KATNIP: variants seen among roughly 807,000 people sequenced by gnomAD.
KATNIP encodes the protein katanin-interacting protein.
In KATNIP, 126 loss-of-function variants were observed where a neutral mutation model predicts 174.0. The ratio of observed to expected loss-of-function variants is 0.72; its 90% CI spans 0.63 to 0.84. The LOEUF (loss-of-function observed/expected upper bound fraction) is 0.84, where lower values mean the gene tolerates loss of function less well. Ranked by LOEUF, KATNIP falls within the 40% of genes least tolerant of loss-of-function variation. The pLI is 0.00. For synonymous variants in KATNIP, 810 were observed against 835.7 expected, an observed-to-expected ratio of 0.97 and a Z score of 0.53; for missense variants, 1,958 against 2,109.7, an observed-to-expected ratio of 0.93 and a Z score of 1.41.
intron 2 of KATNIP, among the ~76,000 whole-genome samples, chr16:27,588,802 C>G (rs1445506442): frequency 1.3e-5 from 2 of 152,050 alleles, no homozygotes; most frequent in African/African-American, 4.8e-5. Context: ...AATCTCATTC[C>G]CCTTCCCAGA....
intron 2 of KATNIP, among the ~76,000 whole-genome samples, chr16:27,595,423 A>T (rs2075306204): frequency 1.3e-5 from 2 of 152,230 alleles, no homozygotes; most frequent in African/African-American, 4.8e-5. Context: ...CCAGATGTGG[A>T]CACAGGAGGA....
intron 3 of KATNIP, among the ~76,000 whole-genome samples, 163 bp downstream of exon 3, chr16:27,618,664 C>T (rs1458337363): frequency 6.6e-6 from 1 of 152,176 alleles, no homozygotes; most frequent in East Asian, 1.9e-4. Flanking sequence ...CCTATTTCTC[C>T]ATTCACTGAT....
chr16:27,646,051 T>G (rs927383991), intron 5 of KATNIP, among the ~76,000 whole-genome samples: 2 of 152,238 alleles, frequency 1.3e-5, no homozygotes, highest in South Asian at 4.1e-4. Context: ...GCATTCAGAT[T>G]GGGAGAATAG....
intron 6 of KATNIP, among the ~76,000 whole-genome samples, chr16:27,661,027 C>T (rs377247632): frequency 6.6e-6 from 1 of 152,082 alleles, no homozygotes; most frequent in Admixed American, 6.6e-5. Context: ...GATTAGGCAC[C>T]CTGACCAGCC....
At position 27,603,904 on chromosome 16, in the gene KATNIP, T is replaced by C. The variant is rs1163377774; in HGVS notation, c.64-14521T>C. On this transcript the variant is annotated intron_variant, in intron 2 of 27. Transcript: ENST00000261588. The stretch of plus-strand genomic sequence containing the variant: ...GGCACGTGCCACCATGGCTGGCTAA[T>C]TTTTGTATTTTTAGTAGAGACTGGG... 2.0e-5 allele frequency among the ~76,000 whole-genome samples: 3 copies of C among 151,584 alleles called. No individual in the cohort carries two copies. In the South Asian group the frequency reaches 6.3e-4, roughly 32 times the overall value.
chr16:27,767,455 C>A (rs534847276), intron 20 of KATNIP, among the ~76,000 whole-genome samples: 1 of 152,282 alleles, frequency 6.6e-6, no homozygotes, highest in African/African-American at 2.4e-5. Context: ...TGTAGAGGCT[C>A]ACGCCTGTAA....
intron 2 of KATNIP, among the ~76,000 whole-genome samples, chr16:27,609,129 T>C (rs965061274): frequency 6.6e-6 from 1 of 152,132 alleles, no homozygotes; most frequent in Non-Finnish European, 1.5e-5. Context: ...TCCTCATGGA[T>C]TCATTCACTC....
intron 19 of KATNIP, 85 bp downstream of exon 19, chr16:27,761,675 C>A: frequency 8.0e-7 from 1 of 1,244,050 alleles, no homozygotes; most frequent in South Asian, 1.2e-5. Context: ...ATTCAGACAT[C>A]AAATAGAATC....
rs564447410 is a variant in KATNIP at position 27,776,646 on chromosome 16, G to C, written c.4450-282G>C. 6.6e-6 allele frequency among the ~76,000 whole-genome samples: 1 copy of C among 152,210 alleles called. No homozygotes were observed. The highest frequency in any genetic ancestry group is 1.5e-5 in the Non-Finnish European group (1 of 68,042). ...GGGGACGTGGGGGAGGGCCGAGGAT[G>C]TTCCCAATCCTCCACTGGCATTTAA... On this transcript the variant is annotated intron_variant, in intron 24 of 27. Coordinates refer to ENST00000261588, the MANE Select transcript of KATNIP (RefSeq NM_015202.5). The surrounding 1 kb of genome is among the most constrained non-coding windows in gnomAD (Gnocchi z 4.7).
chr16:27,618,853 C>T (rs938839390), intron 3 of KATNIP, among the ~76,000 whole-genome samples: 2 of 152,180 alleles, frequency 1.3e-5, no homozygotes, highest in Non-Finnish European at 2.9e-5. Flanking sequence ...TTGACAGTCC[C>T]TGAAATCTGA....
chr16:27,642,265 G>C (rs1011248225), intron 5 of KATNIP, among the ~76,000 whole-genome samples: 1 of 152,120 alleles, frequency 6.6e-6, no homozygotes, highest in Non-Finnish European at 1.5e-5. Flanking sequence ...GTCCTTTGTA[G>C]GGACATGGAT....
intron 6 of KATNIP, among the ~76,000 whole-genome samples, chr16:27,653,878 C>G (rs2077189186): frequency 6.6e-6 from 1 of 152,092 alleles, no homozygotes. Flanking sequence ...CTATGTTGCC[C>G]TGGCTGGTCT....
intron 1 of KATNIP, among the ~76,000 whole-genome samples, chr16:27,556,365 G>A (rs920857340): frequency 2.6e-5 from 4 of 152,098 alleles, no homozygotes; most frequent in African/African-American, 9.7e-5. Flanking sequence ...TCGCCTTTCT[G>A]TTAAAGTTGA....
At chr16:27,695,102 G>C (rs994031909) in intron 8 of KATNIP, among the ~76,000 whole-genome samples, 5 of 152,202 alleles carry the variant, frequency 3.3e-5, no homozygotes, top group Non-Finnish European at 5.9e-5. Context: ...CTCTGTCTCT[G>C]GCAGATGCCT....
chr16:27,569,697 C>T (rs1003315185), intron 1 of KATNIP, among the ~76,000 whole-genome samples: 47 of 152,172 alleles, frequency 3.1e-4, no homozygotes, highest in African/African-American at 1.0e-3. Context: ...GAGCTGTCTT[C>T]GCATCGAGCT....
At chr16:27,616,530 C>T (rs975214998) in intron 2 of KATNIP, among the ~76,000 whole-genome samples, 1 of 151,012 alleles carries the variant, frequency 6.6e-6, no homozygotes, top group East Asian at 2.0e-4. Flanking sequence ...GTTAAGAGAC[C>T]AGCCTGGCCA....
At chr16:27,661,916 A>G (rs1173572665) in intron 6 of KATNIP, among the ~76,000 whole-genome samples, 2 of 18,942 alleles carry the variant, frequency 1.1e-4, no homozygotes, top group East Asian at 4.5e-3. Context: ...TGGCTAATAT[A>G]TATATATATA....
chr16:27,632,748 CTTTTTTTTT>C (rs1192611326), intron 5 of KATNIP: 1 of 378,302 alleles, frequency 2.6e-6, no homozygotes, highest in East Asian at 7.5e-5. Flanking sequence ...TGATTTCTTT[CTTTTTTTTT>C]TTTCTTTTTT....
Position 27,648,848 on chromosome 16 carries a change from C to T in KATNIP, c.540+113C>T, listed in dbSNP as rs544695492. 74 of 1,195,916 alleles carry T rather than the reference C, an allele frequency of 6.2e-5. No individual in the cohort carries two copies. The African/African-American group carries it at 7.8e-4, about 13-fold the overall frequency. 74.1% of individuals were successfully genotyped at this position (1,195,916 alleles called of 1,614,324 possible). A position where few individuals can be genotyped will look rare whatever the true frequency, so the allele number is the denominator to read the frequency against. On this transcript the variant is annotated intron_variant, in intron 6 of 27. Transcript: ENST00000261588. Reference sequence around the variant, plus strand: ...GTTATTTATTCTGTCCTTCACTCGCCGCTGTGTTCCTTCACTCTTGCGTTC... The same window carrying T: ...GTTATTTATTCTGTCCTTCACTCGCTGCTGTGTTCCTTCACTCTTGCGTTC...
Sources: allele counts gnomAD v4.1 joint callset (sites outside exome capture counted in the v4.1 genomes callset), GRCh38; gene constraint gnomAD v4.1.1; non-coding constraint Gnocchi (gnomAD v3.1); transcripts MANE v1.5; gene names NCBI Gene and HGNC (gene_info 2026-07-23, HGNC 2026-07-21).